Variants in ACSS2 observed in about 807,000 individuals in gnomAD.
The protein encoded by ACSS2 is acyl-CoA synthetase short chain family member 2, also known as acetyl-coenzyme A synthetase, cytoplasmic.
Under a neutral mutation model 90.6 loss-of-function variants are expected in ACSS2, and 58 were observed. The ratio of observed to expected loss-of-function variants is 0.64; its 90% confidence interval spans 0.52 to 0.80. The LOEUF is 0.80. Among genes scored for constraint, ACSS2 ranks in the 30% least tolerant of loss-of-function variants. The pLI, the probability that ACSS2 is intolerant of heterozygous loss-of-function variation, is 0.00. For synonymous variants in ACSS2, 300 were observed against 330.9 expected (o/e 0.91, Z 1.01); for missense variants, 759 against 912.0 (o/e 0.83, Z 2.16).
intron 2 of ACSS2, among the ~76,000 whole-genome samples, chr20:34,902,620 A>G (rs1347859347): frequency 6.6e-6 from 1 of 152,150 alleles, no homozygotes; most frequent in African/African-American, 2.4e-5. Flanking sequence ...GCATAGCAGG[A>G]GTGCGGATTT....
intron 2 of ACSS2, among the ~76,000 whole-genome samples, chr20:34,888,067 CAAAAA>C (rs34578238): frequency 1.6e-5 from 1 of 62,516 alleles, no homozygotes; most frequent in Admixed American, 2.4e-4. Flanking sequence ...AAGACTCCAT[CAAAAA>C]AAAAAAAAAA....
intron 2 of ACSS2, among the ~76,000 whole-genome samples, chr20:34,905,098 TG>T (rs2080764678): frequency 6.6e-6 from 1 of 151,820 alleles, no homozygotes; most frequent in African/African-American, 2.4e-5. Context: ...TAAAATTTTT[TG>T]TAGAGACAAG....
intron 13 of ACSS2, 40 bp from the exon 14 acceptor site, chr20:34,923,283 G>C: frequency 2.9e-6 from 4 of 1,383,400 alleles, no homozygotes; most frequent in Non-Finnish European, 4.1e-6. Flanking sequence ...CAGTGAGACA[G>C]CATAGCAAAT....
intron 7 of ACSS2, 71 bp from the exon 8 acceptor site, chr20:34,919,364 A>T: frequency 6.3e-7 from 1 of 1,588,468 alleles, no homozygotes; most frequent in Non-Finnish European, 8.6e-7. Flanking sequence ...CATTCCCTCC[A>T]GGGGCAAGGT....
chr20:34,912,634 C>T (rs2080988119), intron 2 of ACSS2: 1 of 171,272 alleles, frequency 5.8e-6, no homozygotes, highest in Non-Finnish European at 1.3e-5. Flanking sequence ...AATAAAGAAG[C>T]AGATCCTTGG....
chr20:34,922,090 TCA>T (rs1189359764), intron 13 of ACSS2: 1 of 1,115,644 alleles, frequency 9.0e-7, no homozygotes, highest in African/African-American at 1.6e-5. Flanking sequence ...TAAGAGTTGC[TCA>T]GATTCCTGAT....
At chr20:34,921,237 C>T in intron 10 of ACSS2, 93 bp from the exon 11 acceptor site, 1 of 1,606,610 alleles carries the variant, frequency 6.2e-7, no homozygotes, top group Non-Finnish European at 8.5e-7. Context: ...AACTCTCTGA[C>T]CTGGAATAGA....
intron 2 of ACSS2, among the ~76,000 whole-genome samples, chr20:34,900,681 G>A (rs1421074948): frequency 6.6e-6 from 1 of 152,178 alleles, no homozygotes; most frequent in Non-Finnish European, 1.5e-5. Context: ...AGCTGAGTGA[G>A]GCTGCATTAG....
intron 7 of ACSS2, chr20:34,915,262 C>A (rs1175163135): frequency 6.2e-7 from 1 of 1,613,890 alleles, no homozygotes; most frequent in South Asian, 1.1e-5. Context: ...CCCAGGTATC[C>A]ATTTCTGCAC....
At position 34,876,697 on chromosome 20, in the gene ACSS2, G is replaced by A; in HGVS notation, c.52G>A (p.Glu18Lys). 7.0e-7 allele frequency: 1 copy of A among 1,435,472 alleles called. No individual in the cohort carries two copies. The allele number at this position is 1,435,472 out of a possible 1,614,324, so 88.9% of individuals were successfully genotyped here. A position where few individuals can be genotyped will look rare whatever the true frequency, so the allele number is the denominator to read the frequency against. The change falls in exon 1 of 18, where the codon GAG (glutamate) becomes AAG (lysine). Residue 18 changes from glutamate (E) to lysine (K), a missense_variant. Coordinates refer to ENST00000360596, the MANE Select transcript of ACSS2 (RefSeq NM_018677.4). ...VRSGSGSRGQ[E>K]EAGAGGRARS... The stretch of plus-strand genomic sequence containing the variant: ...GAGCGGCAGCGGGAGCCGGGGCCAG[G>A]AGGAAGCTGGAGCCGGAGGCCGGGC...
chr20:34,918,379 T>C (rs2081121962), intron 7 of ACSS2, among the ~76,000 whole-genome samples: 1 of 152,186 alleles, frequency 6.6e-6, no homozygotes, highest in Non-Finnish European at 1.5e-5. Flanking sequence ...ATTCAGCAGA[T>C]GGTAGACTCA....
At chr20:34,875,272 AAAG>A (rs547968471), upstream of ACSS2, 162 of 472,610 alleles carry the variant, frequency 3.4e-4, 3 homozygotes, top group South Asian at 2.5e-3. Flanking sequence ...ATTGTGAAGG[AAAG>A]AAGAGAATGT....
intron 2 of ACSS2, among the ~76,000 whole-genome samples, chr20:34,891,067 A>AT (rs1165705225): frequency 6.6e-6 from 1 of 151,838 alleles, no homozygotes; most frequent in East Asian, 1.9e-4. Context: ...TAGGGCTCTG[A>AT]TTTTCCATAT....
intron 2 of ACSS2, chr20:34,908,817 C>T (rs111914447): frequency 1.1e-4 from 44 of 385,618 alleles, no homozygotes; most frequent in African/African-American, 3.1e-4. Context: ...GCCAAGATCG[C>T]GCCATTTTAC....
At chr20:34,891,642 T>A (rs4911447) in intron 2 of ACSS2, among the ~76,000 whole-genome samples, 83,012 of 151,968 alleles carry the variant, frequency 0.55, 23,383 homozygotes, top group South Asian at 0.74. Context: ...GGGAGATACA[T>A]GGGAAATACC....
intron 2 of ACSS2, among the ~76,000 whole-genome samples, chr20:34,900,602 T>C (rs894257208): frequency 2.6e-5 from 4 of 152,156 alleles, no homozygotes; most frequent in Admixed American, 2.0e-4. Flanking sequence ...TTCATCAGTT[T>C]TGAGTTGGTG....
Position 34,921,321 on chromosome 20 carries a change from C to A in ACSS2, c.1278-9C>A. 2 of 1,614,050 alleles carry A rather than the reference C, an allele frequency of 1.2e-6. No individual in the cohort carries two copies. Among genetic ancestry groups the A allele is most frequent in the Non-Finnish European group, 1.7e-6 (2 of 1,180,000 alleles). ...CAGAGCCTTCCTCTCTCCCATTCCC[C>A]TGCCCCAGGCATAGCCGGGCATCCT... On this transcript the variant is annotated splice_polypyrimidine_tract_variant and intron_variant, in intron 10 of 17. Coordinates refer to ENST00000360596, the MANE Select transcript of ACSS2 (RefSeq NM_018677.4).
At chr20:34,915,578 A>C (rs557571168) in intron 7 of ACSS2, among the ~76,000 whole-genome samples, 1 of 152,296 alleles carries the variant, frequency 6.6e-6, no homozygotes, top group Non-Finnish European at 1.5e-5. Flanking sequence ...AGCAGAGCCG[A>C]GAGACAGGAG....
Position 34,882,949 on chromosome 20 carries a change from G to A in ACSS2, c.334G>A (p.Val112Ile), listed in dbSNP as rs1319211666. Residue 112 changes from valine (V) to isoleucine (I), a missense_variant, in exon 2 of 18, where the codon GTC becomes ATC. By Grantham distance (29) the Val-to-Ile change is conservative. Transcript: ENST00000360596. ...CTGCTACAATGTACTGGATCGAAAT[G>A]TCCATGAGAAAAAGCTTGGAGATAA... ...NICYNVLDRNVHEKKLGDKVA... is the reference protein window; with the variant it reads ...NICYNVLDRNIHEKKLGDKVA... 5 of 1,607,432 alleles carry A rather than the reference G, an allele frequency of 3.1e-6. No individual in the cohort carries two copies. The highest frequency in any genetic ancestry group is 1.1e-5 in the South Asian group (1 of 88,678).
Sources: allele counts gnomAD v4.1 joint callset (sites outside exome capture counted in the v4.1 genomes callset), GRCh38; gene constraint gnomAD v4.1.1; transcripts MANE v1.5; gene names NCBI Gene and HGNC (gene_info 2026-07-23, HGNC 2026-07-21).